The following PXYLP1 variants were observed in gnomAD, a reference collection of about 807,000 sequenced individuals.
The protein encoded by PXYLP1 is acid phosphatase-like 2.
In PXYLP1, 17 loss-of-function variants were observed where a neutral mutation model predicts 37.9. The ratio of observed to expected loss-of-function variants is 0.45; its 90% CI spans 0.31 to 0.67. The LOEUF is 0.67. Ranked by LOEUF, PXYLP1 falls within the 30% of genes least tolerant of loss-of-function variation. The pLI is 0.07. For synonymous variants in PXYLP1, 221 were observed against 232.2 expected, an observed-to-expected ratio of 0.95 and a Z score of 0.44; for missense variants, 511 against 612.0, an observed-to-expected ratio of 0.84 and a Z score of 1.74.
At chr3:141,285,306 C>G (rs1427142939) in intron 4 of PXYLP1, among the ~76,000 whole-genome samples, 1 of 151,776 alleles carries the variant, frequency 6.6e-6, no homozygotes, top group Non-Finnish European at 1.5e-5. Flanking sequence ...GCCACCATGC[C>G]TGGCTAGTTT....
chr3:141,232,680 C>CAG (rs200759223), intron 1 of PXYLP1, among the ~76,000 whole-genome samples: 6,523 of 151,272 alleles, frequency 0.043, 257 homozygotes, highest in Admixed American at 0.11. Flanking sequence ...CACACACACA[C>CAG]AGAGAGAGAG....
At chr3:141,234,964 A>C (rs1940624170) in intron 1 of PXYLP1, 1 of 152,244 alleles carries the variant, frequency 6.6e-6, no homozygotes, top group African/African-American at 2.4e-5. Flanking sequence ...TCTGTGAGTA[A>C]GAGAAAGGGA....
In PXYLP1 at chr3:141,292,867, G is replaced by A. The variant is rs1559899918; in HGVS notation, c.1105G>A (p.Glu369Lys). 1.2e-6 allele frequency: 2 copies of A among 1,614,206 alleles called. No homozygotes were observed. The highest frequency in any genetic ancestry group is 2.2e-5 in the East Asian group (1 of 44,884). The change falls in exon 6 of 6, where the codon GAA (glutamate) becomes AAA (lysine). Residue 369 changes from glutamate to lysine, a missense_variant. By Grantham distance (56) the Glu-to-Lys change is moderately conservative (BLOSUM62 1). Transcript: ENST00000286353. This position sits in a 1 kb window ranked among gnomAD's most constrained non-coding sequence, Gnocchi z 4.3. ...GCAGCGTGCCACCGAGGGCAGGAAA[G>A]AAGAGCTCTTTGCCCTCTACTCTGC... is the stretch of plus-strand genomic sequence containing the variant. Reference protein sequence around the residue: ...RMQRATEGRKEELFALYSAHD... With the variant: ...RMQRATEGRKKELFALYSAHD...
chr3:141,267,844 T>C (rs1270397492), intron 2 of PXYLP1, among the ~76,000 whole-genome samples: 2 of 150,320 alleles, frequency 1.3e-5, no homozygotes, highest in African/African-American at 5.0e-5. Context: ...CCTCTCTGTC[T>C]CCCTCCCTCC....
chr3:141,280,456 T>TGG (rs1941923705), intron 4 of PXYLP1, among the ~76,000 whole-genome samples: 1 of 152,286 alleles, frequency 6.6e-6, no homozygotes, highest in African/African-American at 2.4e-5. Flanking sequence ...TTGGCCTGGC[T>TGG]GCCTCTGCCC....
chr3:141,273,637 T>A, intron 2 of PXYLP1: 1 of 985,412 alleles, frequency 1.0e-6, no homozygotes, highest in Non-Finnish European at 1.2e-6. Flanking sequence ...TCATGTTCTC[T>A]GCCATTTCTT....
At position 141,260,082 on chromosome 3, in the gene PXYLP1, C is replaced by T. The variant is rs1418630709; in HGVS notation, c.-53-41C>T. On this transcript the variant is annotated intron_variant, in intron 1 of 5. Transcript: ENST00000286353. ...TTTTCAGTTGACAAATTTAGTTCTC[C>T]ACCTCTAAACACTCATTTATCACCT... 3.6e-5 allele frequency: 52 copies of T among 1,447,090 alleles called. No individual in the cohort carries two copies. In the Admixed American group the frequency reaches 8.9e-4, roughly 25 times the overall value. 89.6% of individuals were successfully genotyped at this position (1,447,090 alleles called of 1,614,324 possible).
intron 2 of PXYLP1, among the ~76,000 whole-genome samples, chr3:141,269,164 C>T (rs1384860746): frequency 4.6e-5 from 7 of 152,262 alleles, no homozygotes; most frequent in African/African-American, 1.7e-4. Context: ...ACAACCCACC[C>T]ACCCTCAAGG....
chr3:141,290,393 A>G (rs1176976100), intron 5 of PXYLP1, among the ~76,000 whole-genome samples: 4 of 152,224 alleles, frequency 2.6e-5, no homozygotes, highest in Non-Finnish European at 5.9e-5. Context: ...ATGAGGTAGC[A>G]TGTGTAGAGT....
intron 1 of PXYLP1, among the ~76,000 whole-genome samples, chr3:141,239,409 A>G (rs946808625): frequency 1.3e-5 from 2 of 152,218 alleles, no homozygotes; most frequent in Admixed American, 6.5e-5. Context: ...TCTTTGAGAA[A>G]GAAAGTATAT....
At chr3:141,256,730 G>A (rs76389720) in intron 1 of PXYLP1, among the ~76,000 whole-genome samples, 5,606 of 152,206 alleles carry the variant, frequency 0.037, 260 homozygotes, top group East Asian at 0.2. Context: ...CCTGGGATTC[G>A]GTGTTCCTCT....
intron 2 of PXYLP1, chr3:141,274,120 G>T: frequency 2.0e-6 from 2 of 998,590 alleles, no homozygotes; most frequent in South Asian, 8.9e-5. Context: ...GGCAAAGCCT[G>T]CTGGGAGGAG....
intron 2 of PXYLP1, among the ~76,000 whole-genome samples, chr3:141,268,416 C>T (rs1156731655): frequency 2.0e-5 from 3 of 152,140 alleles, no homozygotes; most frequent in Admixed American, 6.5e-5. Context: ...AGGGAGAGCG[C>T]GAGGCCAGCT....
At chr3:141,275,608 AT>A (rs1455100875) in intron 2 of PXYLP1, among the ~76,000 whole-genome samples, 3 of 152,216 alleles carry the variant, frequency 2.0e-5, no homozygotes, top group African/African-American at 7.2e-5. Flanking sequence ...TCTTGTGCTA[AT>A]CCCCCTGTAG....
chr3:141,258,239 TGA>T (rs1377622384), intron 1 of PXYLP1, among the ~76,000 whole-genome samples: 5 of 151,770 alleles, frequency 3.3e-5, no homozygotes, highest in Admixed American at 1.3e-4. Flanking sequence ...AGGCCCAGAG[TGA>T]GAGGCCTGAA....
intron 1 of PXYLP1, 91 bp from the exon 2 acceptor site, chr3:141,260,029 GATT>G: frequency 1.2e-6 from 1 of 858,466 alleles, no homozygotes; most frequent in East Asian, 2.7e-5. Flanking sequence ...GGGCTAATCA[GATT>G]ATTATCAGTT....
chr3:141,288,446 G>A (rs138470965), intron 5 of PXYLP1, among the ~76,000 whole-genome samples: 1,904 of 152,314 alleles, frequency 0.013, 25 homozygotes, highest in Non-Finnish European at 0.017. Flanking sequence ...AGGACTAGCC[G>A]TGGATAAGGA....
intron 2 of PXYLP1, among the ~76,000 whole-genome samples, chr3:141,266,749 G>A (rs561609535): frequency 9.3e-5 from 14 of 150,718 alleles, no homozygotes; most frequent in African/African-American, 3.4e-4. Context: ...ATGTGTTTTC[G>A]ATAGTTTCCC....
At chr3:141,248,586 TACACACAC>T (rs1941028966) in intron 1 of PXYLP1, among the ~76,000 whole-genome samples, 5 of 63,526 alleles carry the variant, frequency 7.9e-5, no homozygotes, top group Non-Finnish European at 1.4e-4. Flanking sequence ...CATGTATATA[TACACACAC>T]GTGTATATAT....
Sources: gnomAD v4.1 joint callset for allele counts (sites outside exome capture counted in the v4.1 genomes callset) on GRCh38, gnomAD v4.1.1 for gene constraint, Gnocchi (gnomAD v3.1) non-coding constraint, MANE v1.5 for transcripts, NCBI Gene and HGNC (gene_info 2026-07-23, HGNC 2026-07-21) for gene names.